The following SPOCK3 variants were observed in gnomAD, a reference collection of about 807,000 sequenced individuals.
SPOCK3 encodes SPARC (osteonectin), cwcv and kazal like domains proteoglycan 3.
A neutral mutation model predicts 56.6 loss-of-function variants in SPOCK3; 30 were observed. The observed-to-expected ratio is 0.53, with a 90% CI of 0.40 to 0.72. SPOCK3 has a LOEUF of 0.72. Ranked by LOEUF, SPOCK3 falls within the 30% of genes least tolerant of loss-of-function variation. The pLI, the probability that SPOCK3 is intolerant of heterozygous loss-of-function variation, is 0.00. For missense variants in SPOCK3, 527 were observed against 530.0 expected, an observed-to-expected ratio of 0.99 and a Z score of 0.06; for synonymous variants, 196 against 183.3, an observed-to-expected ratio of 1.07 and a Z score of -0.56.
At chr4:166,973,216 G>T (rs552295678) in intron 4 of SPOCK3, among the ~76,000 whole-genome samples, 1 of 152,138 alleles carries the variant, frequency 6.6e-6, no homozygotes, top group South Asian at 2.1e-4. Flanking sequence ...TGGGAAGAAG[G>T]TGCCTTCTTC....
intron 2 of SPOCK3, among the ~76,000 whole-genome samples, chr4:167,140,240 A>C (rs775556449): frequency 1.3e-5 from 2 of 152,208 alleles, no homozygotes; most frequent in Non-Finnish European, 2.9e-5. Context: ...ATAGTGAATG[A>C]GTGTATATGC....
chr4:166,763,402 AATGACAGAGAATGTAATAATACC>A (rs1295298393), intron 7 of SPOCK3, among the ~76,000 whole-genome samples: 5 of 152,138 alleles, frequency 3.3e-5, no homozygotes, highest in Non-Finnish European at 5.9e-5. Flanking sequence ...ATAATGTAAT[AATGACAGAGAATGTAATAATACC>A]ATGACAGAGA....
intron 4 of SPOCK3, among the ~76,000 whole-genome samples, chr4:166,961,207 T>C (rs558295803): frequency 6.6e-6 from 1 of 151,328 alleles, no homozygotes; most frequent in African/African-American, 2.4e-5. Context: ...AAAACATCAA[T>C]TTTAAAAAAA....
intron 3 of SPOCK3, among the ~76,000 whole-genome samples, chr4:167,005,780 C>T (rs1274053734): frequency 6.6e-6 from 1 of 151,916 alleles, no homozygotes; most frequent in East Asian, 1.9e-4. Context: ...TTGTCGGGGA[C>T]TTGCAAATAC....
At chr4:166,892,720 C>T (rs1432172695) in intron 5 of SPOCK3, among the ~76,000 whole-genome samples, 1 of 152,062 alleles carries the variant, frequency 6.6e-6, no homozygotes, top group African/African-American at 2.4e-5. Context: ...TCCTGATTAT[C>T]TAAGACCCCG....
chr4:166,962,937 G>C (rs760952988), intron 4 of SPOCK3, among the ~76,000 whole-genome samples: 1 of 152,044 alleles, frequency 6.6e-6, no homozygotes, highest in Non-Finnish European at 1.5e-5. Flanking sequence ...AACATGGTCA[G>C]TTCAAAATTT....
At chr4:166,766,867 C>T (rs867887475) in intron 7 of SPOCK3, among the ~76,000 whole-genome samples, 1 of 152,004 alleles carries the variant, frequency 6.6e-6, no homozygotes, top group Non-Finnish European at 1.5e-5. Flanking sequence ...AATTTCGGAA[C>T]CTGTTATTGG....
intron 7 of SPOCK3, among the ~76,000 whole-genome samples, chr4:166,764,228 A>C (rs1452551942): frequency 6.6e-6 from 1 of 151,912 alleles, no homozygotes; most frequent in East Asian, 1.9e-4. Context: ...TCTAGGGTAC[A>C]TGTGCACAAC....
At chr4:167,184,646 C>T (rs756950889) in intron 2 of SPOCK3, among the ~76,000 whole-genome samples, 9 of 152,156 alleles carry the variant, frequency 5.9e-5, no homozygotes, top group Non-Finnish European at 4.4e-5. Context: ...AAGACTGATT[C>T]TCTTAGCCAT....
chr4:166,852,041 G>C (rs538041137), intron 6 of SPOCK3, among the ~76,000 whole-genome samples: 1 of 149,850 alleles, frequency 6.7e-6, no homozygotes, highest in East Asian at 2.0e-4. Flanking sequence ...GTAAACTATC[G>C]CAAGAACAAA....
chr4:166,931,901 T>C (rs1272600576), intron 4 of SPOCK3, among the ~76,000 whole-genome samples: 6 of 152,208 alleles, frequency 3.9e-5, no homozygotes, highest in African/African-American at 9.6e-5. Context: ...CCTTCCCTAT[T>C]ACTCTTGGTA....
chr4:167,161,953 A>C (rs1024111363), intron 2 of SPOCK3, among the ~76,000 whole-genome samples: 3 of 152,062 alleles, frequency 2.0e-5, no homozygotes, highest in African/African-American at 7.2e-5. Context: ...TGACGAGTTA[A>C]TAGGTGCAGC....
At chr4:167,179,743 C>T (rs941604401) in intron 2 of SPOCK3, among the ~76,000 whole-genome samples, 5 of 152,034 alleles carry the variant, frequency 3.3e-5, no homozygotes, top group Non-Finnish European at 5.9e-5. Context: ...TTTTCATTCA[C>T]GGTATGTAAG....
chr4:166,943,452 G>T (rs1741349263), intron 4 of SPOCK3, among the ~76,000 whole-genome samples: 1 of 152,072 alleles, frequency 6.6e-6, no homozygotes, highest in Non-Finnish European at 1.5e-5. Flanking sequence ...GAATGTTTTG[G>T]AACTTAATCA....
intron 4 of SPOCK3, among the ~76,000 whole-genome samples, chr4:166,947,441 T>C (rs1741906132): frequency 6.6e-6 from 1 of 152,206 alleles, no homozygotes; most frequent in Non-Finnish European, 1.5e-5. Flanking sequence ...CTTTGTTTAC[T>C]AAAGCATTTT....
At chr4:167,111,758 AG>A (rs1188817568) in intron 2 of SPOCK3, among the ~76,000 whole-genome samples, 27 of 148,564 alleles carry the variant, frequency 1.8e-4, no homozygotes, top group African/African-American at 5.6e-4. Context: ...GCTTAAAAGT[AG>A]CACTTTTTTT....
At chr4:167,087,667 C>T (rs79932540) in intron 2 of SPOCK3, among the ~76,000 whole-genome samples, 1 of 152,056 alleles carries the variant, frequency 6.6e-6, no homozygotes, top group South Asian at 2.1e-4. Context: ...TGCAGTAAAT[C>T]GCCTAAAGTT....
chr4:166,979,370 C>T (rs1229205756), intron 4 of SPOCK3, among the ~76,000 whole-genome samples: 1 of 152,124 alleles, frequency 6.6e-6, no homozygotes, highest in African/African-American at 2.4e-5. Flanking sequence ...TCCAACCCTA[C>T]AATAAACCAA....
intron 5 of SPOCK3, among the ~76,000 whole-genome samples, chr4:166,910,512 C>T (rs886945743): frequency 2.6e-5 from 4 of 152,064 alleles, no homozygotes; most frequent in Non-Finnish European, 5.9e-5. Flanking sequence ...ACGTATAATA[C>T]GTGCTTTTAG....
Sources: gnomAD v4.1 joint callset for allele counts (sites outside exome capture counted in the v4.1 genomes callset) on GRCh38, gnomAD v4.1.1 for gene constraint, MANE v1.5 for transcripts, NCBI Gene and HGNC (gene_info 2026-07-23, HGNC 2026-07-21) for gene names.